The following CALN1 variants were observed in gnomAD, a reference collection of about 807,000 sequenced individuals.
CALN1 encodes the protein calneuron 1.
In CALN1, 17 loss-of-function variants were observed where a neutral mutation model predicts 30.6. The ratio of observed to expected loss-of-function variants is 0.56; its 90% CI spans 0.38 to 0.83. CALN1 has a LOEUF of 0.83. Ranked by LOEUF, CALN1 falls within the 40% of genes least tolerant of loss-of-function variation. The pLI is 0.00. For missense variants in CALN1, 291 were observed against 354.9 expected (o/e 0.82, Z 1.45); for synonymous variants, 156 against 131.4 (o/e 1.19, Z -1.28).
intron 4 of CALN1, among the ~76,000 whole-genome samples, chr7:72,068,471 C>T (rs938737004): frequency 8.6e-5 from 13 of 150,912 alleles, no homozygotes; most frequent in Admixed American, 6.7e-4. Context: ...CAAGTCATTC[C>T]TCCTCTTTGG....
chr7:72,340,273 A>G (rs1802321054), intron 2 of CALN1, among the ~76,000 whole-genome samples: 1 of 152,122 alleles, frequency 6.6e-6, no homozygotes, highest in South Asian at 2.1e-4. Context: ...GGATCTCCCT[A>G]TGTTGCCCAG....
chr7:71,941,834 A>G (rs1796147245), intron 5 of CALN1, among the ~76,000 whole-genome samples: 1 of 152,182 alleles, frequency 6.6e-6, no homozygotes, highest in Admixed American at 6.5e-5. Context: ...GCCATGAGTG[A>G]GAATGTTTAT....
chr7:71,949,286 T>C (rs181976358), intron 5 of CALN1, among the ~76,000 whole-genome samples: 1 of 152,122 alleles, frequency 6.6e-6, no homozygotes, highest in Non-Finnish European at 1.5e-5. Flanking sequence ...CCTCTCCATT[T>C]ACAAAGGGTG....
chr7:72,330,879 G>A (rs920643988), intron 2 of CALN1, among the ~76,000 whole-genome samples: 1 of 152,102 alleles, frequency 6.6e-6, no homozygotes, highest in East Asian at 1.9e-4. Flanking sequence ...GTCTTGCTCG[G>A]ACTTCGATTT....
At chr7:71,999,851 A>T (rs1377301869) in intron 5 of CALN1, among the ~76,000 whole-genome samples, 1 of 152,122 alleles carries the variant, frequency 6.6e-6, no homozygotes, top group Admixed American at 6.6e-5. Flanking sequence ...ACATTCACCA[A>T]GACAGATAAT....
At chr7:72,047,285 T>C (rs1310372667) in intron 4 of CALN1, among the ~76,000 whole-genome samples, 1 of 151,964 alleles carries the variant, frequency 6.6e-6, no homozygotes. Flanking sequence ...CATACGAAGA[T>C]GAAAAGACAA....
intron 3 of CALN1, among the ~76,000 whole-genome samples, chr7:72,156,407 C>A (rs957739374): frequency 1.3e-5 from 2 of 152,186 alleles, no homozygotes; most frequent in African/African-American, 4.8e-5. Flanking sequence ...GAGGCACTCT[C>A]CGGCAGCATC....
At chr7:72,041,308 G>T (rs1019649327) in intron 4 of CALN1, among the ~76,000 whole-genome samples, 3 of 152,134 alleles carry the variant, frequency 2.0e-5, no homozygotes, top group Non-Finnish European at 2.9e-5. Flanking sequence ...AAGGGACACT[G>T]TGGGGCTGAT....
chr7:71,824,346 A>G (rs1335198934), intron 5 of CALN1, among the ~76,000 whole-genome samples: 2 of 152,090 alleles, frequency 1.3e-5, no homozygotes, highest in Non-Finnish European at 1.5e-5. Context: ...CACTCTCTAC[A>G]GGTGGACTTC....
intron 5 of CALN1, among the ~76,000 whole-genome samples, chr7:71,996,306 T>G (rs887132598): frequency 6.6e-6 from 1 of 152,028 alleles, no homozygotes; most frequent in African/African-American, 2.4e-5. Flanking sequence ...ACCAAGAAAC[T>G]CACAACTTGA....
intron 3 of CALN1, among the ~76,000 whole-genome samples, chr7:72,138,901 C>T (rs1297746863): frequency 6.6e-6 from 1 of 152,118 alleles, no homozygotes; most frequent in East Asian, 1.9e-4. Context: ...CCAGGACTGC[C>T]CACACATTCA....
intron 6 of CALN1, among the ~76,000 whole-genome samples, chr7:71,793,115 G>A (rs1786675475): frequency 6.6e-6 from 1 of 151,978 alleles, no homozygotes; most frequent in African/African-American, 2.4e-5. Flanking sequence ...GACCAGCTTG[G>A]CCAACATAGT....
intron 5 of CALN1, among the ~76,000 whole-genome samples, chr7:71,945,323 G>A (rs1269470187): frequency 6.6e-6 from 1 of 152,120 alleles, no homozygotes; most frequent in Non-Finnish European, 1.5e-5. Flanking sequence ...TTCCTTTATA[G>A]CAACACAAAA....
chr7:72,218,180 G>T (rs1182359267), intron 3 of CALN1, among the ~76,000 whole-genome samples: 3 of 151,796 alleles, frequency 2.0e-5, no homozygotes, highest in Admixed American at 6.6e-5. Context: ...CAGGCGCAGT[G>T]GCTCATGCTT....
chr7:72,243,306 T>G (rs1469658789), intron 3 of CALN1, among the ~76,000 whole-genome samples: 1 of 152,220 alleles, frequency 6.6e-6, no homozygotes, highest in Non-Finnish European at 1.5e-5. Context: ...GTCTTTAATC[T>G]AGACTTCCTA....
chr7:72,023,131 T>C (rs1800804318), intron 5 of CALN1, among the ~76,000 whole-genome samples: 1 of 152,134 alleles, frequency 6.6e-6, no homozygotes, highest in Non-Finnish European at 1.5e-5. Flanking sequence ...ATAAAAATGA[T>C]TTCATTATAC....
Position 71,784,177 on chromosome 7 carries a change from T to C in CALN1, c.*3598A>G, listed in dbSNP as rs942120763. 2.6e-5 allele frequency: 4 copies of C among 152,080 alleles called. No homozygotes were observed. Among genetic ancestry groups the C allele is most frequent in the Non-Finnish European group, 4.4e-5 (3 of 68,020 alleles). The allele number at this position is 152,080 out of a possible 1,614,324, so 9.4% of individuals were successfully genotyped here. A position where few individuals can be genotyped will look rare whatever the true frequency, so the allele number is the denominator to read the frequency against. On this transcript the variant is annotated 3_prime_UTR_variant, in exon 7 of 7. Transcript: ENST00000395275. ...TGGGAGAAGGGGCTGGGAGTAGGGA[T>C]GGGGAGATACCAGGGCTTACAGGTA...
At chr7:72,311,197 G>A (rs1457060971) in intron 2 of CALN1, among the ~76,000 whole-genome samples, 1 of 151,996 alleles carries the variant, frequency 6.6e-6, no homozygotes, top group South Asian at 2.1e-4. Context: ...TTAACGAATA[G>A]TAATAAATAG....
chr7:72,311,414 T>A (rs1800037474), intron 2 of CALN1, among the ~76,000 whole-genome samples: 2 of 152,140 alleles, frequency 1.3e-5, no homozygotes, highest in Non-Finnish European at 2.9e-5. Flanking sequence ...GTGAATTTTT[T>A]ACTGTGCAGA....
Sources: allele counts gnomAD v4.1 joint callset (sites outside exome capture counted in the v4.1 genomes callset), GRCh38; gene constraint gnomAD v4.1.1; transcripts MANE v1.5; gene names NCBI Gene and HGNC (gene_info 2026-07-23, HGNC 2026-07-21).